The following PTPRN2 variants were observed in gnomAD, a reference collection of about 807,000 sequenced individuals.
The protein encoded by PTPRN2 is protein tyrosine phosphatase receptor type N2, also known as receptor-type tyrosine-protein phosphatase N2.
A neutral mutation model predicts 118.8 loss-of-function variants in PTPRN2; 74 were observed. The observed-to-expected ratio is 0.62, with a 90% CI of 0.52 to 0.76. PTPRN2 has a LOEUF of 0.76. Among genes scored for constraint, PTPRN2 ranks in the 30% least tolerant of loss-of-function variants. The pLI is 0.00. For missense variants in PTPRN2, 1,481 were observed against 1,394.4 expected, an observed-to-expected ratio of 1.06 and a Z score of -0.99; for synonymous variants, 641 against 608.0, an observed-to-expected ratio of 1.05 and a Z score of -0.80.
intron 5 of PTPRN2, among the ~76,000 whole-genome samples, chr7:158,172,429 C>T (rs1250684473): frequency 6.6e-6 from 1 of 151,898 alleles, no homozygotes; most frequent in Non-Finnish European, 1.5e-5. Flanking sequence ...CAACAGCATC[C>T]CCACCATCAT....
intron 4 of PTPRN2, among the ~76,000 whole-genome samples, chr7:158,193,272 G>T (rs1417686942): frequency 6.6e-6 from 1 of 152,206 alleles, no homozygotes; most frequent in Non-Finnish European, 1.5e-5. Flanking sequence ...GGACAGCTGC[G>T]TGCTGAAGGC....
chr7:158,086,295 TGA>T (rs148893259), intron 10 of PTPRN2, among the ~76,000 whole-genome samples: 4,171 of 152,156 alleles, frequency 0.027, 186 homozygotes, highest in African/African-American at 0.095. Context: ...CTCTGCACGA[TGA>T]GATAACCATC....
At chr7:157,901,553 A>T (rs532195286) in intron 11 of PTPRN2, among the ~76,000 whole-genome samples, 1 of 152,366 alleles carries the variant, frequency 6.6e-6, no homozygotes. Context: ...AACATAGTTT[A>T]TTTAAGTGCA....
At chr7:157,577,885 T>A (rs773683697) in intron 18 of PTPRN2, 136 bp downstream of exon 18, 23 of 1,193,490 alleles carry the variant, frequency 1.9e-5, no homozygotes, top group Non-Finnish European at 2.6e-5. Context: ...TCAGCCTCCA[T>A]CCCCTGAACA....
At chr7:158,311,854 C>T (rs907152754) in intron 3 of PTPRN2, among the ~76,000 whole-genome samples, 1 of 150,522 alleles carries the variant, frequency 6.6e-6, no homozygotes, top group African/African-American at 2.4e-5. Context: ...CACACACACT[C>T]ACATGCTCAT....
At chr7:157,661,319 G>A (rs565680447) in intron 13 of PTPRN2, among the ~76,000 whole-genome samples, 182 of 152,406 alleles carry the variant, frequency 1.2e-3, no homozygotes, top group African/African-American at 4.2e-3. Context: ...AAAGCTTGGC[G>A]CAGAATGCTG....
At chr7:157,921,241 T>C (rs1380651856) in intron 11 of PTPRN2, among the ~76,000 whole-genome samples, 1 of 152,162 alleles carries the variant, frequency 6.6e-6, no homozygotes, top group East Asian at 1.9e-4. Context: ...GGCTACACAC[T>C]GCATGATTCC....
intron 17 of PTPRN2, 118 bp from the exon 18 acceptor site, chr7:157,578,258 A>C: frequency 3.0e-5 from 38 of 1,258,798 alleles, no homozygotes; most frequent in Non-Finnish European, 3.8e-5. Context: ...CATTTATTTC[A>C]TTTTCATCAG....
chr7:158,279,954 C>T (rs559304066), intron 3 of PTPRN2, among the ~76,000 whole-genome samples: 249 of 152,278 alleles, frequency 1.6e-3, no homozygotes, highest in African/African-American at 5.6e-3. Context: ...TGAAGACAGT[C>T]GAGGTCTGTG....
At chr7:157,919,605 T>A (rs1798592169) in intron 11 of PTPRN2, among the ~76,000 whole-genome samples, 1 of 152,150 alleles carries the variant, frequency 6.6e-6, no homozygotes, top group Non-Finnish European at 1.5e-5. Context: ...AAGAGCTTGA[T>A]TTTAGGGGAA....
intron 2 of PTPRN2, among the ~76,000 whole-genome samples, chr7:158,378,799 C>A (rs1376555548): frequency 1.3e-5 from 2 of 152,128 alleles, no homozygotes; most frequent in Admixed American, 1.3e-4. Flanking sequence ...AATGATAATT[C>A]CTTCCATGCA....
chr7:158,245,327 G>A (rs922464444), intron 3 of PTPRN2, among the ~76,000 whole-genome samples: 18 of 152,286 alleles, frequency 1.2e-4, no homozygotes, highest in Admixed American at 8.5e-4. Flanking sequence ...TGGTCATGCC[G>A]GAATCCACTG....
At chr7:157,760,084 C>T (rs55915437) in intron 12 of PTPRN2, among the ~76,000 whole-genome samples, 69 of 152,326 alleles carry the variant, frequency 4.5e-4, no homozygotes, top group African/African-American at 1.5e-3. Context: ...GTCCCCCCAA[C>T]GCCATATCGG....
rs1563047397 is a variant in PTPRN2 at position 157,729,696 on chromosome 7, G to A, written c.1789-46759C>T. ...CTGGGAGGGTCGCTAGGGTGAGGACGCTGAGAGCCCATGTGCTGGAAAGGA... is the reference window on the plus strand; with the variant it reads ...CTGGGAGGGTCGCTAGGGTGAGGACACTGAGAGCCCATGTGCTGGAAAGGA... On this transcript the variant is annotated intron_variant, in intron 12 of 22. Coordinates refer to ENST00000389418, the MANE Select transcript of PTPRN2 (RefSeq NM_002847.5). This position sits in a 1 kb window ranked among gnomAD's most constrained non-coding sequence, Gnocchi z 4.3. Among the ~76,000 whole-genome samples, 1 of 152,156 alleles carries A rather than the reference G, an allele frequency of 6.6e-6. No individual in the cohort carries two copies. Among genetic ancestry groups the A allele is most frequent in the Non-Finnish European group, 1.5e-5 (1 of 68,030 alleles).
chr7:158,554,501 T>TTCTC (rs143007768), intron 1 of PTPRN2, among the ~76,000 whole-genome samples: 5 of 151,524 alleles, frequency 3.3e-5, no homozygotes, highest in Middle Eastern at 3.4e-3. Context: ...TTTATCTGTG[T>TTCTC]TCTCTCTCTC....
At chr7:158,141,573 A>T (rs1819391151) in intron 6 of PTPRN2, among the ~76,000 whole-genome samples, 1 of 152,150 alleles carries the variant, frequency 6.6e-6, no homozygotes, top group South Asian at 2.1e-4. Context: ...CTTGCCCATT[A>T]ATTGAAGCTG....
At chr7:158,340,978 C>T (rs149274441) in intron 2 of PTPRN2, among the ~76,000 whole-genome samples, 2 of 74,892 alleles carry the variant, frequency 2.7e-5, no homozygotes, top group African/African-American at 9.1e-5. Flanking sequence ...ATGTCACTCA[C>T]ACCCACACTC....
Position 157,603,993 on chromosome 7 carries a change from T to C in PTPRN2, c.2418+9A>G. 6.2e-7 allele frequency: 1 copy of C among 1,613,436 alleles called. No individual in the cohort carries two copies. The highest frequency in any genetic ancestry group is 1.1e-5 in the South Asian group (1 of 91,062). ...AAGCCTGGGGCCCCTGTCCCGGCAG[T>C]GCACTTACGATGGGGCTAGCGTTGA... On this transcript the variant is annotated intron_variant, in intron 16 of 22. Transcript: ENST00000389418. This position sits in a 1 kb window ranked among gnomAD's most constrained non-coding sequence, Gnocchi z 5.4.
rs1586881079 is a variant in PTPRN2 at position 158,529,459 on chromosome 7, A to G, written c.113-39674T>C. ...AAGGACAGGGAAGGTGCTGCTGACC[A>G]CGGCCAGCAACGACGAGCCATGGTG... is the stretch of plus-strand genomic sequence containing the variant. On this transcript the variant is annotated intron_variant, in intron 1 of 22. Transcript: ENST00000389418. The surrounding 1 kb of genome is among the most constrained non-coding windows in gnomAD (Gnocchi z 4.7). Among the ~76,000 whole-genome samples, 1 of 152,150 alleles carries G rather than the reference A, an allele frequency of 6.6e-6. No individual in the cohort carries two copies. Among genetic ancestry groups the G allele is most frequent in the African/African-American group, 2.4e-5 (1 of 41,438 alleles).
Sources: gnomAD v4.1 joint callset for allele counts (sites outside exome capture counted in the v4.1 genomes callset) on GRCh38, gnomAD v4.1.1 for gene constraint, Gnocchi (gnomAD v3.1) non-coding constraint, MANE v1.5 for transcripts, NCBI Gene and HGNC (gene_info 2026-07-23, HGNC 2026-07-21) for gene names.